AHDC1: variants seen among roughly 807,000 people sequenced by gnomAD.
AHDC1 encodes AT-hook DNA binding motif containing 1, also known as transcription factor Gibbin.
AHDC1 carries 7 observed loss-of-function variants against 87.9 expected under a neutral mutation model. That is an observed-to-expected ratio of 0.08 (90% confidence interval 0.05 to 0.15). The LOEUF (loss-of-function observed/expected upper bound fraction) is 0.15, where lower values mean the gene tolerates loss of function less well. AHDC1 is among the 10% of genes least tolerant of loss of function. The probability of loss-of-function intolerance (pLI) is 1.00; values close to 1 mark genes in which losing one functional copy is unlikely to be tolerated. For missense variants in AHDC1, 1,841 were observed against 2,253.2 expected (o/e 0.82, Z 3.70); for synonymous variants, 1,051 against 1,006.8 (o/e 1.04, Z -0.83).
chr1:27,535,540 A>C (rs1265104093), intron 8 of AHDC1, among the ~76,000 whole-genome samples: 1 of 152,208 alleles, frequency 6.6e-6, no homozygotes, highest in Non-Finnish European at 1.5e-5. Flanking sequence ...GCAGGGCCTC[A>C]GCACACAGCA....
intron 3 of AHDC1, among the ~76,000 whole-genome samples, chr1:27,576,830 G>C (rs765859881): frequency 1.1e-4 from 17 of 152,180 alleles, no homozygotes; most frequent in Non-Finnish European, 2.1e-4. Flanking sequence ...CCTTACAACA[G>C]TGGAGGCTGC....
intron 3 of AHDC1, among the ~76,000 whole-genome samples, chr1:27,581,836 A>G: frequency 6.6e-6 from 1 of 151,410 alleles, no homozygotes; most frequent in Non-Finnish European, 1.5e-5. Flanking sequence ...GGCCCCACCA[A>G]CCTCCTGGCT....
At chr1:27,586,930 G>A (rs2089076168) in intron 3 of AHDC1, among the ~76,000 whole-genome samples, 1 of 152,214 alleles carries the variant, frequency 6.6e-6, no homozygotes. Flanking sequence ...CTTGGAGTCA[G>A]GTCTCGGCAA....
chr1:27,600,055 C>T (rs547264848), intron 3 of AHDC1, among the ~76,000 whole-genome samples: 1 of 152,116 alleles, frequency 6.6e-6, no homozygotes, highest in South Asian at 2.1e-4. Flanking sequence ...TCTTGGTCCC[C>T]GGCCCCCACC....
At position 27,549,230 on chromosome 1, in the gene AHDC1, C is replaced by T. The variant is rs759357518; in HGVS notation, c.2886G>A (p.Pro962=). 5 of 1,603,502 alleles carry T rather than the reference C, an allele frequency of 3.1e-6. No homozygotes were observed. The highest frequency in any genetic ancestry group is 1.3e-5 in the African/African-American group (1 of 74,750). ...ACTGGGGCAGGTAGGTGTTGGCAGG[C>T]GGGTGGGTGGTAGGTGAGCGGGCCA... ...SAMARSPTTH[P]PANTYLPQYG... is the part of the protein sequence containing the mutation. Residue 962 remains proline (P), a synonymous_variant, in exon 8 of 9, where the codon CCG becomes CCA. Coordinates refer to ENST00000673934, the MANE Select transcript of AHDC1 (RefSeq NM_001371928.1).
Position 27,552,177 on chromosome 1 carries a change from C to T in AHDC1, c.-62G>A. On this transcript the variant is annotated 5_prime_UTR_variant, in exon 8 of 9. Transcript: ENST00000673934. ...GGGGCTGACATGAGGGTGCGAGAAG[C>T]CGGGACCAGGACCTGCCAGGCAGGA... The T allele has an allele frequency of 7.0e-7, 1 of 1,427,702 alleles. No individual in the cohort carries two copies. Among genetic ancestry groups the T allele is most frequent in the South Asian group, 1.5e-5 (1 of 65,030 alleles). The allele number at this position is 1,427,702 out of a possible 1,614,324, so 88.4% of individuals were successfully genotyped here.
intron 8 of AHDC1, among the ~76,000 whole-genome samples, chr1:27,545,952 C>T (rs1217875719): frequency 6.6e-6 from 1 of 152,178 alleles, no homozygotes; most frequent in East Asian, 1.9e-4. Flanking sequence ...TGCCCTTTGT[C>T]ACCTTCAGGC....
At chr1:27,539,288 T>C (rs1557646925) in intron 8 of AHDC1, among the ~76,000 whole-genome samples, 1 of 151,820 alleles carries the variant, frequency 6.6e-6, no homozygotes, top group African/African-American at 2.4e-5. Flanking sequence ...TACATGTGCA[T>C]GCTACCACAT....
rs1557680667 is a variant in AHDC1 at position 27,563,746 on chromosome 1, A to T, written c.-628-4863T>A. Among the ~76,000 whole-genome samples the T allele has an allele frequency of 1.3e-5, 2 of 152,124 alleles. No individual in the cohort carries two copies. The highest frequency in any genetic ancestry group is 3.9e-4 in the East Asian group (2 of 5,182). On this transcript the variant is annotated intron_variant, in intron 3 of 8. Coordinates refer to ENST00000673934, the MANE Select transcript of AHDC1 (RefSeq NM_001371928.1). The surrounding 1 kb of genome is among the most constrained non-coding windows in gnomAD (Gnocchi z 6.1). ...GTGACCTTGGCCTCTGGACACCAGG[A>T]GGGGAGGTGCTGTGGCTTCCCGCCC... is the stretch of plus-strand genomic sequence containing the variant.
At chr1:27,589,440 G>GGT (rs2089161070) in intron 3 of AHDC1, among the ~76,000 whole-genome samples, 1 of 152,112 alleles carries the variant, frequency 6.6e-6, no homozygotes, top group Non-Finnish European at 1.5e-5. Context: ...TGGTTTTGTG[G>GGT]GTGTCTATGT....
In AHDC1 at chr1:27,548,020, C is replaced by T. The variant is rs753474234; in HGVS notation, c.4096G>A (p.Asp1366Asn). Residue 1366 changes from aspartate (D) to asparagine (N), a missense_variant, in exon 8 of 9, where the codon GAC (aspartate) becomes AAC (asparagine). By Grantham distance (23) the Asp-to-Asn change is conservative. Around this residue, in one of 13 missense-constraint regions of AHDC1, gnomAD observed 505 missense variants for 626.2 expected, o/e 0.81. Transcript: ENST00000673934. ...TCGGGAGCACCCAGGCTGGGCGAGT[C>T]GCAGTGGAAGCCTTGGCCAAAGGTG... Reference protein sequence around the residue: ...DGTFGQGFHCDSPSLGAPELD... With the variant: ...DGTFGQGFHCNSPSLGAPELD... The T allele has an allele frequency of 7.5e-6, 12 of 1,610,386 alleles. No homozygotes were observed. Among genetic ancestry groups the T allele is most frequent in the African/African-American group, 2.7e-5 (2 of 74,870 alleles).
At chr1:27,576,550 G>A (rs1320196114) in intron 3 of AHDC1, among the ~76,000 whole-genome samples, 2 of 152,144 alleles carry the variant, frequency 1.3e-5, no homozygotes, top group Admixed American at 6.5e-5. Flanking sequence ...GTTCACGAAG[G>A]TTAAGTGACC....
intron 3 of AHDC1, among the ~76,000 whole-genome samples, chr1:27,567,594 C>T (rs2020380237): frequency 6.6e-6 from 1 of 152,162 alleles, no homozygotes; most frequent in South Asian, 2.1e-4. Context: ...CAGCATAATC[C>T]CTGCCTCCCT....
At chr1:27,554,804 A>G (rs2019746471) in intron 5 of AHDC1, among the ~76,000 whole-genome samples, 1 of 152,248 alleles carries the variant, frequency 6.6e-6, no homozygotes, top group Non-Finnish European at 1.5e-5. Context: ...GGGACAGGAT[A>G]AAGTAGAAAG....
At position 27,550,239 on chromosome 1, in the gene AHDC1, C is replaced by T; in HGVS notation, c.1877G>A (p.Ser626Asn). 1 of 1,613,864 alleles carries T rather than the reference C, an allele frequency of 6.2e-7. No individual in the cohort carries two copies. The highest frequency in any genetic ancestry group is 1.7e-5 in the Admixed American group (1 of 60,038). The part of the protein sequence containing the change: ...LAKLAFLNRQ[S>N]QCAGRCSPPR... Reference sequence around the variant, plus strand: ...CGGTGAGCACCGTCCAGCGCACTGGCTCTGGCGGTTCAGGAAGGCCAGCTT... The same window carrying T: ...CGGTGAGCACCGTCCAGCGCACTGGTTCTGGCGGTTCAGGAAGGCCAGCTT... Residue 626 changes from serine (S) to asparagine (N), a missense_variant, in exon 8 of 9, where the codon AGC (serine) becomes AAC (asparagine). Around this residue, in one of 13 missense-constraint regions of AHDC1, gnomAD observed 84 missense variants for 111.7 expected, o/e 0.75. Transcript: ENST00000673934.
chr1:27,538,586 C>T (rs535000414), intron 8 of AHDC1, among the ~76,000 whole-genome samples: 1 of 151,512 alleles, frequency 6.6e-6, no homozygotes, highest in East Asian at 2.0e-4. Context: ...ACAATCACGG[C>T]TCACTGCAAC....
At chr1:27,568,607 C>A (rs1315269201) in intron 3 of AHDC1, among the ~76,000 whole-genome samples, 2 of 152,074 alleles carry the variant, frequency 1.3e-5, no homozygotes, top group South Asian at 4.1e-4. Context: ...CCGCGCGGGC[C>A]GGGCTCCCGG....
intron 3 of AHDC1, among the ~76,000 whole-genome samples, chr1:27,588,243 C>T (rs753017871): frequency 2.6e-5 from 4 of 152,154 alleles, no homozygotes; most frequent in African/African-American, 4.8e-5. Context: ...TTATGAATTC[C>T]TACACATCTC....
At chr1:27,553,721 G>T (rs1159618363) in intron 5 of AHDC1, among the ~76,000 whole-genome samples, 1 of 152,116 alleles carries the variant, frequency 6.6e-6, no homozygotes, top group African/African-American at 2.4e-5. Context: ...ACCACTATAT[G>T]TATTTCCCAA....
Sources: allele counts gnomAD v4.1 joint callset (sites outside exome capture counted in the v4.1 genomes callset), GRCh38; gene constraint gnomAD v4.1.1; regional missense constraint gnomAD v4.1.1; non-coding constraint Gnocchi (gnomAD v3.1); transcripts MANE v1.5; gene names NCBI Gene and HGNC (gene_info 2026-07-23, HGNC 2026-07-21).